MCM3AP: variants seen among roughly 807,000 people sequenced by gnomAD.
MCM3AP encodes the protein germinal-center associated nuclear protein.
Under a neutral mutation model 184.1 loss-of-function variants are expected in MCM3AP, and 126 were observed. That is an observed-to-expected ratio of 0.68 (90% CI 0.59 to 0.79). The LOEUF (loss-of-function observed/expected upper bound fraction) is 0.79. Ranked by LOEUF, MCM3AP falls within the 30% of genes least tolerant of loss-of-function variation. MCM3AP has a pLI of 0.00. For synonymous variants in MCM3AP, 1,002 were observed against 979.3 expected (o/e 1.02, Z -0.43); for missense variants, 2,496 against 2,479.2 (o/e 1.01, Z -0.14).
intron 7 of MCM3AP, 90 bp downstream of exon 7, chr21:46,273,298 G>A (rs1232855549): frequency 2.4e-6 from 3 of 1,260,720 alleles, no homozygotes; most frequent in Non-Finnish European, 3.4e-6. Flanking sequence ...TTTTGTTACA[G>A]ATAAAATATA....
intron 24 of MCM3AP, 51 bp downstream of exon 24, chr21:46,243,414 A>G: frequency 6.5e-7 from 1 of 1,536,036 alleles, no homozygotes; most frequent in Non-Finnish European, 8.7e-7. Flanking sequence ...CAGAAACTGG[A>G]CCAGGAAAGT....
At chr21:46,242,753 A>T (rs1379301100) in intron 25 of MCM3AP, 49 bp downstream of exon 25, 1 of 1,562,602 alleles carries the variant, frequency 6.4e-7, no homozygotes. Flanking sequence ...ACTTTGCAAG[A>T]AAAATACAGT....
At position 46,245,191 on chromosome 21, in the gene MCM3AP, G is replaced by T; in HGVS notation, c.4654C>A (p.Gln1552Lys). ...TGGGAAACCAGCCACTGCACTGCTT[G>T]CAAAACCTGAGAAGAAAGAAGAGAC... ...NDLQGSTKVLQAVQWLVSHCP... is the reference protein window; with the variant it reads ...NDLQGSTKVLKAVQWLVSHCP... The change falls in exon 23 of 28, where the codon CAA (glutamine) becomes AAA (lysine). Residue 1552 changes from glutamine (Q) to lysine (K), a missense_variant. By Grantham distance (53) the Gln-to-Lys change is moderately conservative. Coordinates refer to ENST00000291688, the MANE Select transcript of MCM3AP (RefSeq NM_003906.5). The T allele has an allele frequency of 6.3e-7, 1 of 1,589,704 alleles. No individual in the cohort carries two copies. Among genetic ancestry groups the T allele is most frequent in the South Asian group, 1.1e-5 (1 of 88,488 alleles).
chr21:46,255,581 A>G (rs1601510062), intron 17 of MCM3AP, among the ~76,000 whole-genome samples: 1 of 152,064 alleles, frequency 6.6e-6, no homozygotes, highest in Non-Finnish European at 1.5e-5. Context: ...GCGCAGGAGG[A>G]CAGGACGGCA....
intron 15 of MCM3AP, among the ~76,000 whole-genome samples, chr21:46,260,154 C>G (rs2081023235): frequency 7.9e-6 from 1 of 126,994 alleles, no homozygotes; most frequent in Admixed American, 8.4e-5. Flanking sequence ...AGCTTTAATA[C>G]TTAAACTACA....
In MCM3AP at chr21:46,246,759, T is replaced by A. The variant is rs1569056084; in HGVS notation, c.4418A>T (p.Asp1473Val). The A allele has an allele frequency of 6.2e-7, 1 of 1,614,168 alleles. No individual in the cohort carries two copies. The highest frequency in any genetic ancestry group is 2.2e-5 in the East Asian group (1 of 44,882). ...CAGCAAGGCCGACAGCCAGTACACG[T>A]CCTCCTCTGCCATGTCCTCACTCTT... ...KMKSEDMAEE[D>V]VYWLSALLQL... is the part of the protein sequence containing the mutation. Residue 1473 changes from aspartate to valine, a missense_variant, in exon 21 of 28, where the codon GAC becomes GTC. Around this residue, in one of 5 missense-constraint regions of MCM3AP, gnomAD observed 1,323 missense variants for 1,273.4 expected, o/e 1.04. Coordinates refer to ENST00000291688, the MANE Select transcript of MCM3AP (RefSeq NM_003906.5).
intron 10 of MCM3AP, 92 bp downstream of exon 10, chr21:46,266,890 G>C: frequency 7.2e-7 from 1 of 1,397,904 alleles, no homozygotes. Context: ...CCTTCTTCAA[G>C]TCAGGCAAGC....
At position 46,267,210 on chromosome 21, in the gene MCM3AP, T is replaced by C. The variant is rs1010920037; in HGVS notation, c.2629-68A>G. The stretch of plus-strand genomic sequence containing the variant: ...CAGTCAGACACATGCAGTCAGCCCA[T>C]GACCACAGCCATGGCCAGCGTGGGG... On this transcript the variant is annotated intron_variant, in intron 9 of 27. Transcript: ENST00000291688. 20 of 1,499,624 alleles carry C rather than the reference T, an allele frequency of 1.3e-5. No individual in the cohort carries two copies. In the African/African-American group the frequency reaches 1.5e-4, roughly 11 times the overall value. The allele number at this position is 1,499,624 out of a possible 1,614,324, so 92.9% of individuals were successfully genotyped here.
chr21:46,235,184 T>G lies in MCM3AP; in HGVS notation c.*84A>C, dbSNP rs2080496222. On this transcript the variant is annotated 3_prime_UTR_variant, in exon 28 of 28. Transcript: ENST00000291688. ...ATTAAATTAATCACATTTCCAACAG[T>G]GCATCAAGCATCTGAGAATAACATT... 4.5e-6 allele frequency: 6 copies of G among 1,345,160 alleles called. No homozygotes were observed. Among genetic ancestry groups the G allele is most frequent in the Non-Finnish European group, 6.3e-6 (6 of 953,518 alleles). The allele number at this position is 1,345,160 out of a possible 1,614,324, so 83.3% of individuals were successfully genotyped here.
chr21:46,264,259 C>A, intron 12 of MCM3AP, 42 bp from the exon 13 acceptor site: 1 of 1,315,990 alleles, frequency 7.6e-7, no homozygotes, highest in South Asian at 1.2e-5. Context: ...ACGTCCCACC[C>A]AGGGCAGAAA....
At chr21:46,236,021 C>T (rs1336816081) in intron 27 of MCM3AP, among the ~76,000 whole-genome samples, 1 of 152,160 alleles carries the variant, frequency 6.6e-6, no homozygotes, top group Non-Finnish European at 1.5e-5. Flanking sequence ...CTCCCATCTT[C>T]GGATATTTAT....
In MCM3AP at chr21:46,275,306, A is replaced by G. The variant is rs2839190; in HGVS notation, c.1878T>C (p.Asp626=). ...IMRQARVKRT[D]LDKARTFVGT... is the part of the protein sequence containing the mutation. ...CAACAAAAGTCCTCGCTTTGTCCAG[A>G]TCGGTTCTCTTCACCCGAGCTAAAT... Residue 626 remains aspartate, a synonymous_variant, in exon 6 of 28, where the codon GAT becomes GAC. Transcript: ENST00000291688. 53,213 of 1,613,394 alleles carry G rather than the reference A, an allele frequency of 0.033. 5,774 individuals carry two copies. The African/African-American group carries it at 0.37, about 11-fold the overall frequency.
chr21:46,275,188 G>A lies in MCM3AP; in HGVS notation c.1996C>T (p.Gln666Ter), dbSNP rs1344865105. The part of the protein sequence containing the change: ...SVFEVVPGTD[Q>*]VDHAAAVKEY... The stretch of plus-strand genomic sequence containing the variant: ...CACGGGGAGATGCAGGGCTCTACCT[G>A]GTCAGTCCCTGGGACCACTTCGAAC... The change falls in exon 6 of 28, where the codon CAG becomes TAG. Residue 666 changes from glutamine to a stop codon, truncating the protein, a stop_gained and splice_region_variant. Coordinates refer to ENST00000291688, the MANE Select transcript of MCM3AP (RefSeq NM_003906.5). LOFTEE classifies it high-confidence loss of function. The A allele has an allele frequency of 6.2e-7, 1 of 1,612,890 alleles. No individual in the cohort carries two copies. Among genetic ancestry groups the A allele is most frequent in the South Asian group, 1.1e-5 (1 of 90,874 alleles).
At chr21:46,242,997 A>G (rs74275973) in intron 24 of MCM3AP, 66 bp from the exon 25 acceptor site, 2 of 1,389,580 alleles carry the variant, frequency 1.4e-6, no homozygotes, top group East Asian at 2.4e-5. Context: ...AAAAAAAAAA[A>G]AACACACACA....
intron 7 of MCM3AP, among the ~76,000 whole-genome samples, 168 bp from the exon 8 acceptor site, chr21:46,272,997 G>GTT (rs113954057): frequency 6.1e-5 from 9 of 146,950 alleles, no homozygotes; most frequent in African/African-American, 2.0e-4. Flanking sequence ...CCTGGGGTTT[G>GTT]TTTTTTTTTT....
intron 2 of MCM3AP, among the ~76,000 whole-genome samples, chr21:46,283,221 G>C (rs527500038): frequency 6.6e-6 from 1 of 152,086 alleles, no homozygotes; most frequent in Non-Finnish European, 1.5e-5. Flanking sequence ...CACCACGCCC[G>C]GCCAATTTCA....
In MCM3AP at chr21:46,284,538, C is replaced by T. The variant is rs752777739; in HGVS notation, c.749G>A (p.Ser250Asn). ...AACCGCAGATGATACAGGGAAGCTA[C>T]TGAAGCTATTATTAGAACTTCCAAA... ...SIFGSSNNSF[S>N]SFPVSSAVLG... Residue 250 changes from serine to asparagine, a missense_variant, in exon 1 of 28, where the codon AGT (serine) becomes AAT (asparagine). Physicochemically the swap from Ser to Asn is conservative, Grantham distance 46 (BLOSUM62 1). This residue lies in a region of MCM3AP where 800 missense variants were observed against 717.1 expected (regional missense o/e 1.12). Coordinates refer to ENST00000291688, the MANE Select transcript of MCM3AP (RefSeq NM_003906.5). 6.2e-7 allele frequency: 1 copy of T among 1,614,216 alleles called. No individual in the cohort carries two copies. The highest frequency in any genetic ancestry group is 1.1e-5 in the South Asian group (1 of 91,084).
At chr21:46,281,480 G>T (rs1023797391) in intron 2 of MCM3AP, among the ~76,000 whole-genome samples, 1 of 152,106 alleles carries the variant, frequency 6.6e-6, no homozygotes, top group Non-Finnish European at 1.5e-5. Context: ...AATATTTAAG[G>T]TTCAGCTGGG....
rs2080925827 is a variant in MCM3AP, at chr21:46,254,919, T to TACTCAGGAG, written c.3933-84_3933-76dup. On this transcript the variant is annotated intron_variant, in intron 17 of 27. Coordinates refer to ENST00000291688, the MANE Select transcript of MCM3AP (RefSeq NM_003906.5). ...GTACTGGCTAGTGTCCCCTGGGGAA[T>TACTCAGGAG]ACTCAGGAGACTGAAAAACACATTT... 2.8e-6 allele frequency: 3 copies of TACTCAGGAG among 1,053,826 alleles called. No individual in the cohort carries two copies. The African/African-American group carries it at 4.7e-5, about 16-fold the overall frequency. The allele number at this position is 1,053,826 out of a possible 1,614,324, so 65.3% of individuals were successfully genotyped here. A position where few individuals can be genotyped will look rare whatever the true frequency, so the allele number is the denominator to read the frequency against.
Sources: allele counts gnomAD v4.1 joint callset (sites outside exome capture counted in the v4.1 genomes callset), GRCh38; gene constraint gnomAD v4.1.1; regional missense constraint gnomAD v4.1.1; transcripts MANE v1.5; gene names NCBI Gene and HGNC (gene_info 2026-07-23, HGNC 2026-07-21).